Variants in SAMD5 observed in about 807,000 individuals in gnomAD.
SAMD5 encodes sterile alpha motif domain containing 5.
A neutral mutation model predicts 11.3 loss-of-function variants in SAMD5; 13 were observed. That is an observed-to-expected ratio of 1.15 (90% CI 0.75 to 1.83). SAMD5 has a LOEUF of 1.83. Ranked by LOEUF, SAMD5 falls within the 40% of genes most tolerant of loss-of-function variation. The pLI is 0.00. For missense variants in SAMD5, 255 were observed against 239.1 expected, an observed-to-expected ratio of 1.07 and a Z score of -0.44; for synonymous variants, 129 against 111.3, an observed-to-expected ratio of 1.16 and a Z score of -1.00.
At chr6:147,681,582 A>C (rs987163071) in intron 1 of SAMD5, among the ~76,000 whole-genome samples, 1 of 151,992 alleles carries the variant, frequency 6.6e-6, no homozygotes, top group African/African-American at 2.4e-5. Context: ...GCTTCTTTAC[A>C]TGCCTGGTAA....
At chr6:147,888,278 G>A in the SAMD5 span, among the ~76,000 whole-genome samples, 19 of 151,860 alleles carry the variant, frequency 1.3e-4, 1 homozygote, top group African/African-American at 2.4e-4. Flanking sequence ...TGTAAATCAC[G>A]TTTTCATCTG....
At chr6:147,743,328 A>G in the SAMD5 span, 1 of 152,350 alleles carries the variant, frequency 6.6e-6, no homozygotes, top group Admixed American at 6.5e-5. Context: ...TAACATGGTG[A>G]AACTCCGTCT....
At chr6:147,603,792 A>G (rs1356074665) in intron 1 of SAMD5, among the ~76,000 whole-genome samples, 1 of 152,104 alleles carries the variant, frequency 6.6e-6, no homozygotes, top group Admixed American at 6.6e-5. Flanking sequence ...ACAAAACAAA[A>G]AAAAACAACA....
chr6:147,675,386 A>C (rs9497838), intron 1 of SAMD5, among the ~76,000 whole-genome samples: 16,268 of 152,134 alleles, frequency 0.11, 1,256 homozygotes, highest in African/African-American at 0.22. Context: ...TTTCCTGTTG[A>C]GGTTACCTTG....
At position 147,508,812 on chromosome 6, in the gene SAMD5, CTT is replaced by C. The variant is rs971553597; in HGVS notation, c.-115_-114del. On this transcript the variant is annotated 5_prime_UTR_variant, in exon 1 of 2. Transcript: ENST00000367474. ...CCGAGCCTTTCCTTTAAAAGGAAAACTTTACTGCGATACCCTTTTCCCCTTGG... is the reference window on the plus strand; with the variant it reads ...CCGAGCCTTTCCTTTAAAAGGAAAACTACTGCGATACCCTTTTCCCCTTGG... The C allele has an allele frequency of 1.9e-5, 27 of 1,441,212 alleles. No homozygotes were observed. The highest frequency in any genetic ancestry group is 2.4e-5 in the Non-Finnish European group (26 of 1,095,928). The allele number at this position is 1,441,212 out of a possible 1,614,324, so 89.3% of individuals were successfully genotyped here. A position where few individuals can be genotyped will look rare whatever the true frequency, so the allele number is the denominator to read the frequency against.
In SAMD5 at chr6:147,614,401, G is replaced by A. The variant is rs369130463; in HGVS notation, c.162+105014G>A. Among the ~76,000 whole-genome samples, 377 of 151,740 alleles carry A rather than the reference G, an allele frequency of 2.5e-3. 8 individuals are homozygous for A. The highest frequency in any genetic ancestry group is 8.4e-3 in the African/African-American group (345 of 41,134). On this transcript the variant is annotated intron_variant, in intron 1 of 1. Coordinates refer to the SAMD5 transcript ENST00000566741. Reference sequence around the variant, plus strand: ...GGAGAATCAGTTGAACCTGGGAGGCGGAGGTTGCAGTGAGCTGAGATTGTG... The same window carrying A: ...GGAGAATCAGTTGAACCTGGGAGGCAGAGGTTGCAGTGAGCTGAGATTGTG...
chr6:147,820,592 A>G, the SAMD5 span, among the ~76,000 whole-genome samples: 1 of 152,194 alleles, frequency 6.6e-6, no homozygotes, highest in Non-Finnish European at 1.5e-5. Flanking sequence ...TTAACTCTGT[A>G]AAGAAAGTTA....
intron 1 of SAMD5, among the ~76,000 whole-genome samples, chr6:147,701,059 C>G (rs1303886981): frequency 6.6e-6 from 1 of 152,148 alleles, no homozygotes; most frequent in Non-Finnish European, 1.5e-5. Flanking sequence ...TTCCTGTAAA[C>G]TACACTGAAA....
At chr6:147,639,840 T>G (rs1475281664) in intron 1 of SAMD5, among the ~76,000 whole-genome samples, 1 of 141,038 alleles carries the variant, frequency 7.1e-6, no homozygotes, top group African/African-American at 2.6e-5. Flanking sequence ...AGATCATTTT[T>G]AATAACCATA....
the SAMD5 span, among the ~76,000 whole-genome samples, chr6:147,885,467 A>G: frequency 6.6e-6 from 1 of 152,208 alleles, no homozygotes; most frequent in South Asian, 2.1e-4. Flanking sequence ...AGTTATAACA[A>G]AATATTTTGT....
At chr6:147,749,205 T>A in the SAMD5 span, among the ~76,000 whole-genome samples, 1 of 151,648 alleles carries the variant, frequency 6.6e-6, no homozygotes, top group African/African-American at 2.4e-5. Flanking sequence ...AGTCTTGATT[T>A]GTTGCCCAGG....
intron 1 of SAMD5, among the ~76,000 whole-genome samples, chr6:147,582,201 A>G (rs844555): frequency 0.07 from 10,714 of 152,170 alleles, 525 homozygotes; most frequent in African/African-American, 0.14. Flanking sequence ...TCTACTAAAA[A>G]TACAAAAATT....
At chr6:147,734,476 G>A (rs1217856470) in intron 1 of SAMD5, among the ~76,000 whole-genome samples, 2 of 152,004 alleles carry the variant, frequency 1.3e-5, no homozygotes, top group Non-Finnish European at 2.9e-5. Flanking sequence ...CAGCATTCTG[G>A]GAGACCGAGG....
At chr6:147,932,216 C>A in the SAMD5 span, among the ~76,000 whole-genome samples, 5 of 152,064 alleles carry the variant, frequency 3.3e-5, no homozygotes, top group African/African-American at 9.7e-5. Flanking sequence ...ATTAAATAGA[C>A]AAGAGCAAAG....
intron 1 of SAMD5, among the ~76,000 whole-genome samples, chr6:147,522,755 T>A (rs1414889004): frequency 6.6e-6 from 1 of 152,178 alleles, no homozygotes; most frequent in African/African-American, 2.4e-5. Flanking sequence ...GCCAGTAACT[T>A]TTTGGAAGTT....
the SAMD5 span, among the ~76,000 whole-genome samples, chr6:147,839,709 C>A: frequency 2.6e-5 from 4 of 152,290 alleles, no homozygotes; most frequent in Middle Eastern, 3.4e-3. Flanking sequence ...GAGGTGGCAC[C>A]ACTGCACTCC....
intron 1 of SAMD5, among the ~76,000 whole-genome samples, chr6:147,718,703 T>C (rs1791502333): frequency 6.6e-6 from 1 of 152,134 alleles, no homozygotes; most frequent in African/African-American, 2.4e-5. Context: ...TTTTTTCTTT[T>C]TTTTGGAGGC....
the SAMD5 span, among the ~76,000 whole-genome samples, chr6:147,780,204 CTTT>C: frequency 7.0e-6 from 1 of 143,490 alleles, no homozygotes. Context: ...TAACTTAATT[CTTT>C]TTTTTTTTTT....
the SAMD5 span, among the ~76,000 whole-genome samples, chr6:147,951,907 T>C: frequency 6.6e-6 from 1 of 152,216 alleles, no homozygotes; most frequent in Admixed American, 6.5e-5. Context: ...AGATAATTCC[T>C]GCCACATCGG....
Sources: allele counts gnomAD v4.1 joint callset (sites outside exome capture counted in the v4.1 genomes callset), GRCh38; gene constraint gnomAD v4.1.1; transcripts MANE v1.5; gene names NCBI Gene and HGNC (gene_info 2026-07-23, HGNC 2026-07-21).